The following TARS1 variants were observed in gnomAD, a reference collection of about 807,000 sequenced individuals.
The protein encoded by TARS1 is threonyl-tRNA synthetase 1, also known as threonine--tRNA ligase 1, cytoplasmic.
TARS1 carries 57 observed loss-of-function variants against 97.7 expected under a neutral mutation model. That is an observed-to-expected ratio of 0.58 (90% CI 0.47 to 0.73). TARS1 has a LOEUF of 0.73. Ranked by LOEUF, TARS1 falls within the 30% of genes least tolerant of loss-of-function variation. TARS1 has a pLI of 0.00. For missense variants in TARS1, 806 were observed against 888.3 expected (o/e 0.91, Z 1.18); for synonymous variants, 312 against 293.7 (o/e 1.06, Z -0.64).
At chr5:33,448,811 C>A (rs1004655208) in intron 3 of TARS1, 80 bp downstream of exon 3, 2 of 1,147,338 alleles carry the variant, frequency 1.7e-6, no homozygotes, top group African/African-American at 1.6e-5. Context: ...ATGTTTTATT[C>A]TTATAATATT....
chr5:33,449,105 A>C (rs1015376534), intron 3 of TARS1, among the ~76,000 whole-genome samples: 4 of 152,192 alleles, frequency 2.6e-5, no homozygotes, highest in Non-Finnish European at 5.9e-5. Flanking sequence ...GAAACTTCAT[A>C]TAACACATGA....
intron 13 of TARS1, 80 bp from the exon 14 acceptor site, chr5:33,461,587 C>G (rs1742294345): frequency 7.3e-7 from 1 of 1,364,724 alleles, no homozygotes; most frequent in African/African-American, 1.4e-5. Flanking sequence ...AAAGTAATTA[C>G]TGTATTTTTA....
chr5:33,448,432 A>G, intron 2 of TARS1, 109 bp from the exon 3 acceptor site: 1 of 932,122 alleles, frequency 1.1e-6, no homozygotes, highest in South Asian at 2.3e-5. Context: ...ACCACATTGA[A>G]TCAATAGTCC....
intron 2 of TARS1, chr5:33,446,602 C>T: frequency 8.6e-7 from 1 of 1,168,192 alleles, no homozygotes; most frequent in Non-Finnish European, 1.1e-6. Context: ...GTCTTCCCCT[C>T]CAAGGGCAAC....
chr5:33,443,578 C>T lies in TARS1; in HGVS notation c.58-1746C>T, dbSNP rs183178691. 6.5e-3 allele frequency among the ~76,000 whole-genome samples: 984 copies of T among 151,242 alleles called. 11 individuals are homozygous for T. The highest frequency in any genetic ancestry group is 0.023 in the African/African-American group (945 of 41,130). ...CGCGATCTCTGCTCACTGCAAGCTC[C>T]GCCTCCCGGGTTCCAGCCATTCTCC... On this transcript the variant is annotated intron_variant, in intron 1 of 18. Coordinates refer to ENST00000265112, the MANE Select transcript of TARS1 (RefSeq NM_152295.5).
intron 2 of TARS1, among the ~76,000 whole-genome samples, chr5:33,447,112 G>A (rs1475217638): frequency 3.3e-5 from 5 of 152,132 alleles, no homozygotes; most frequent in Admixed American, 6.5e-5. Flanking sequence ...TAGTCACTGC[G>A]CTCCAGCCAG....
At chr5:33,457,452 A>C in intron 9 of TARS1, 49 bp downstream of exon 9, 1 of 1,579,586 alleles carries the variant, frequency 6.3e-7, no homozygotes, top group African/African-American at 1.4e-5. Flanking sequence ...CTTCAACTTC[A>C]TTTGAAGTTT....
At chr5:33,450,746 A>G (rs1410022498) in intron 3 of TARS1, among the ~76,000 whole-genome samples, 2 of 152,316 alleles carry the variant, frequency 1.3e-5, no homozygotes, top group African/African-American at 2.4e-5. Context: ...ACCTTCTACA[A>G]TGTTGATCTA....
chr5:33,446,727 G>C (rs1741438107), intron 2 of TARS1: 2 of 1,289,372 alleles, frequency 1.6e-6, no homozygotes, highest in East Asian at 5.5e-5. Context: ...AAGTGGCTAT[G>C]ATGATAAACT....
intron 3 of TARS1, among the ~76,000 whole-genome samples, chr5:33,449,595 A>G (rs897935402): frequency 6.6e-6 from 1 of 150,964 alleles, no homozygotes; most frequent in Non-Finnish European, 1.5e-5. Flanking sequence ...AGCTGGGACT[A>G]CAGGTGCCCG....
At chr5:33,446,941 A>G (rs1190353831) in intron 2 of TARS1, among the ~76,000 whole-genome samples, 1 of 152,190 alleles carries the variant, frequency 6.6e-6, no homozygotes, top group Non-Finnish European at 1.5e-5. Flanking sequence ...AAAGCTCTCA[A>G]CAACTGAACG....
At chr5:33,461,405 A>G (rs969632099) in intron 13 of TARS1, 110 bp downstream of exon 13, 11 of 1,438,664 alleles carry the variant, frequency 7.6e-6, no homozygotes, top group Non-Finnish European at 1.9e-6. Context: ...GAAATTGGAA[A>G]TGGTTCCTAG....
chr5:33,443,688 G>A (rs1741265251), intron 1 of TARS1, among the ~76,000 whole-genome samples: 2 of 151,828 alleles, frequency 1.3e-5, no homozygotes, highest in African/African-American at 4.8e-5. Flanking sequence ...GTAGAGACGG[G>A]GTTTCACCGT....
chr5:33,455,639 A>G lies in TARS1; in HGVS notation c.628A>G (p.Ile210Val). ...TCTGGAGGCTTTGTGTAAGAAAATC[A>G]TTAAAGAAAAACAAGCTTTTGAAAG... ...SSLEALCKKI[I>V]KEKQAFERLE... Residue 210 changes from isoleucine to valine, a missense_variant, in exon 6 of 19, where the codon ATT (isoleucine) becomes GTT (valine). Ile to Val is a conservative substitution (Grantham distance 29). This residue lies in a region of TARS1 where 356 missense variants were observed against 357.8 expected (regional missense o/e 0.99). Coordinates refer to ENST00000265112, the MANE Select transcript of TARS1 (RefSeq NM_152295.5). 6.2e-7 allele frequency: 1 copy of G among 1,613,270 alleles called. No individual in the cohort carries two copies. The highest frequency in any genetic ancestry group is 1.7e-5 in the Admixed American group (1 of 60,000).
At chr5:33,459,619 ACT>A in intron 10 of TARS1, 74 bp from the exon 11 acceptor site, 1 of 1,524,996 alleles carries the variant, frequency 6.6e-7, no homozygotes, top group Non-Finnish European at 9.0e-7. Context: ...GTATAAAATC[ACT>A]CTTTAAGTTT....
At chr5:33,457,968 G>C (rs1263137137) in intron 9 of TARS1, among the ~76,000 whole-genome samples, 1 of 152,290 alleles carries the variant, frequency 6.6e-6, no homozygotes, top group East Asian at 1.9e-4. Context: ...AGCAGCCACT[G>C]CCTTGCACCC....
At chr5:33,455,114 C>G in intron 5 of TARS1, 48 bp downstream of exon 5, 1 of 1,605,560 alleles carries the variant, frequency 6.2e-7, no homozygotes, top group Non-Finnish European at 8.5e-7. Flanking sequence ...GACTATGGAT[C>G]CATAAGTTAT....
At chr5:33,440,841 C>T, upstream of TARS1, 1 of 554,504 alleles carries the variant, frequency 1.8e-6, no homozygotes, top group Admixed American at 3.2e-5. Context: ...ACCTGATTTC[C>T]TAGAAGGGCT....
At chr5:33,460,195 C>A (rs1301571291) in intron 11 of TARS1, among the ~76,000 whole-genome samples, 1 of 152,154 alleles carries the variant, frequency 6.6e-6, no homozygotes, top group South Asian at 2.1e-4. Flanking sequence ...TGGTCTCAAA[C>A]TCCTGGCCTC....
Sources: allele counts gnomAD v4.1 joint callset (sites outside exome capture counted in the v4.1 genomes callset), GRCh38; gene constraint gnomAD v4.1.1; regional missense constraint gnomAD v4.1.1; transcripts MANE v1.5; gene names NCBI Gene and HGNC (gene_info 2026-07-23, HGNC 2026-07-21).